The following AIM2 variants were observed in gnomAD, a reference collection of about 807,000 sequenced individuals.
AIM2 encodes the protein interferon-inducible protein AIM2.
AIM2 carries 30 observed loss-of-function variants against 27.7 expected under a neutral mutation model. That is an observed-to-expected ratio of 1.08 (90% CI 0.81 to 1.47). AIM2 has a LOEUF of 1.47. AIM2 is among the 40% of genes most tolerant of loss of function. The probability of loss-of-function intolerance (pLI) is 0.00; values close to 1 mark genes in which losing one functional copy is unlikely to be tolerated. For missense variants in AIM2, 358 were observed against 411.3 expected, an observed-to-expected ratio of 0.87 and a Z score of 1.12; for synonymous variants, 141 against 145.3, an observed-to-expected ratio of 0.97 and a Z score of 0.21.
chr1:159,121,353 A>C (rs539458059), intron 1 of AIM2, among the ~76,000 whole-genome samples: 1 of 152,304 alleles, frequency 6.6e-6, no homozygotes, highest in Admixed American at 6.5e-5. Flanking sequence ...ACACTGTGAC[A>C]ATTGTTTTAG....
chr1:159,098,771 T>C (rs954672864), intron 1 of AIM2, among the ~76,000 whole-genome samples: 1 of 152,206 alleles, frequency 6.6e-6, no homozygotes, highest in African/African-American at 2.4e-5. Flanking sequence ...CCATACTCCA[T>C]ATGTACCATG....
intron 1 of AIM2, among the ~76,000 whole-genome samples, chr1:159,146,047 A>C (rs1001646770): frequency 2.6e-5 from 4 of 151,900 alleles, no homozygotes; most frequent in Non-Finnish European, 5.9e-5. Flanking sequence ...TAGAGGTTGC[A>C]GTGAAGCAAG....
chr1:159,107,403 G>C (rs535398443), intron 1 of AIM2, among the ~76,000 whole-genome samples: 2 of 152,126 alleles, frequency 1.3e-5, no homozygotes, highest in Non-Finnish European at 2.9e-5. Context: ...AGGACTGCAG[G>C]GGGGAGTGGA....
Position 159,129,026 on chromosome 1 carries a change from T to C in AIM2, c.-16+11405A>G, listed in dbSNP as rs147804982. On this transcript the variant is annotated intron_variant, in intron 1 of 2. Coordinates refer to the AIM2 transcript ENST00000368129. ...TTTTAACATTTAAAACCTATGAATG[T>C]GACCTCATTTGTAAAAAGCATCTTG... 2.7e-3 allele frequency among the ~76,000 whole-genome samples: 418 copies of C among 152,312 alleles called. 3 individuals are homozygous for C. The highest frequency in any genetic ancestry group is 9.5e-3 in the African/African-American group (394 of 41,562).
Position 159,126,475 on chromosome 1 carries a change from G to A in AIM2, c.-16+13956C>T, listed in dbSNP as rs920004591. ...ATCCTGGCTAACACGGTGAAACCCTGTCTCTACTAAAAATACAAAAAAAAT... is the reference window on the plus strand; with the variant it reads ...ATCCTGGCTAACACGGTGAAACCCTATCTCTACTAAAAATACAAAAAAAAT... On this transcript the variant is annotated intron_variant, in intron 1 of 2. Coordinates refer to the AIM2 transcript ENST00000368129. 5.3e-5 allele frequency among the ~76,000 whole-genome samples: 8 copies of A among 152,042 alleles called. No individual in the cohort carries two copies. In the East Asian group the frequency reaches 9.7e-4, roughly 18 times the overall value.
the AIM2 span, among the ~76,000 whole-genome samples, chr1:159,056,504 C>G: frequency 6.6e-6 from 1 of 151,892 alleles, no homozygotes; most frequent in Admixed American, 6.6e-5. Context: ...CAGTCAAAGT[C>G]CCTCAGAGGC....
At chr1:159,072,773 A>G (rs1656415165) in intron 2 of AIM2, among the ~76,000 whole-genome samples, 1 of 152,222 alleles carries the variant, frequency 6.6e-6, no homozygotes, top group East Asian at 1.9e-4. Context: ...AGCTGGGGAC[A>G]AGGAGAGGAA....
intron 1 of AIM2, among the ~76,000 whole-genome samples, chr1:159,089,246 C>T (rs1557900876): frequency 6.6e-6 from 1 of 152,142 alleles, no homozygotes; most frequent in East Asian, 1.9e-4. Flanking sequence ...CGTCATTATT[C>T]TTATTTTATA....
upstream of AIM2, among the ~76,000 whole-genome samples, chr1:159,079,020 T>C (rs1457316287): frequency 6.6e-6 from 1 of 152,176 alleles, no homozygotes; most frequent in African/African-American, 2.4e-5. Context: ...TGTGTATACA[T>C]GTATGGACAT....
intron 1 of AIM2, among the ~76,000 whole-genome samples, chr1:159,092,475 G>T (rs1657070588): frequency 6.6e-6 from 1 of 152,140 alleles, no homozygotes; most frequent in African/African-American, 2.4e-5. Flanking sequence ...ACTGAAGGAG[G>T]TTAAAGCTTA....
intron 1 of AIM2, among the ~76,000 whole-genome samples, chr1:159,132,000 A>T (rs1229290394): frequency 6.6e-6 from 1 of 152,154 alleles, no homozygotes; most frequent in South Asian, 2.1e-4. Context: ...AAAATAAAAT[A>T]GTATCTGAAA....
chr1:159,133,765 C>T (rs1471306921), intron 1 of AIM2, among the ~76,000 whole-genome samples: 4 of 152,164 alleles, frequency 2.6e-5, no homozygotes, highest in Non-Finnish European at 2.9e-5. Context: ...ACTACTTCTC[C>T]GACTCCTCTT....
the AIM2 span, among the ~76,000 whole-genome samples, chr1:159,056,484 G>C: frequency 1.3e-5 from 2 of 151,856 alleles, no homozygotes; most frequent in African/African-American, 4.8e-5. Context: ...GTGCTGTTTC[G>C]GCAAAACAGC....
intron 1 of AIM2, among the ~76,000 whole-genome samples, chr1:159,104,430 A>G (rs1202965894): frequency 1.1e-4 from 16 of 152,236 alleles, no homozygotes; most frequent in Admixed American, 1.0e-3. Context: ...TATTGAAAAT[A>G]AGTATGATTG....
chr1:159,092,641 C>T (rs911323269), intron 1 of AIM2, among the ~76,000 whole-genome samples: 1 of 152,104 alleles, frequency 6.6e-6, no homozygotes, highest in African/African-American at 2.4e-5. Flanking sequence ...AACAATTGTA[C>T]CTACGTTCAG....
chr1:159,111,986 G>A (rs568640992), intron 1 of AIM2, among the ~76,000 whole-genome samples: 1 of 152,086 alleles, frequency 6.6e-6, no homozygotes. Flanking sequence ...AGGTTGCAGT[G>A]AGCCAAGATT....
At chr1:159,074,543 C>T (rs1022549259) in intron 1 of AIM2, among the ~76,000 whole-genome samples, 1 of 151,850 alleles carries the variant, frequency 6.6e-6, no homozygotes, top group South Asian at 2.1e-4. Flanking sequence ...ATTTTTGTAA[C>T]TTGTTGCCAA....
At chr1:159,055,651 C>T in the AIM2 span, among the ~76,000 whole-genome samples, 13 of 152,184 alleles carry the variant, frequency 8.5e-5, no homozygotes, top group African/African-American at 3.1e-4. Flanking sequence ...TGATCTGATA[C>T]ATTAGAAAGC....
intron 1 of AIM2, among the ~76,000 whole-genome samples, 175 bp downstream of exon 1, chr1:159,076,458 A>G (rs1276351212): frequency 6.6e-6 from 1 of 152,230 alleles, no homozygotes; most frequent in Non-Finnish European, 1.5e-5. Flanking sequence ...ACCAGAGGAC[A>G]TGGCTAAAGT....
Sources: gnomAD v4.1 joint callset for allele counts (sites outside exome capture counted in the v4.1 genomes callset) on GRCh38, gnomAD v4.1.1 for gene constraint, MANE v1.5 for transcripts, NCBI Gene and HGNC (gene_info 2026-07-23, HGNC 2026-07-21) for gene names.